Variants in PPARGC1A observed in about 807,000 individuals in gnomAD.
PPARGC1A encodes the protein PPARG coactivator 1 alpha, also known as peroxisome proliferator-activated receptor gamma coactivator 1-alpha.
In PPARGC1A, 25 loss-of-function variants were observed where a neutral mutation model predicts 88.7. The ratio of observed to expected loss-of-function variants is 0.28; its 90% confidence interval spans 0.21 to 0.39. The LOEUF (loss-of-function observed/expected upper bound fraction) is 0.39. Among genes scored for constraint, PPARGC1A ranks in the 10% least tolerant of loss-of-function variants. PPARGC1A has a pLI of 1.00. For synonymous variants in PPARGC1A, 363 were observed against 355.6 expected (o/e 1.02, Z -0.24); for missense variants, 880 against 968.7 (o/e 0.91, Z 1.22).
the PPARGC1A span, among the ~76,000 whole-genome samples, chr4:24,232,154 A>G: frequency 3.9e-5 from 6 of 151,970 alleles, no homozygotes; most frequent in Non-Finnish European, 7.4e-5. Context: ...GGCAGCTATC[A>G]TGATCCGACT....
chr4:24,246,471 C>T, the PPARGC1A span, among the ~76,000 whole-genome samples: 7 of 152,022 alleles, frequency 4.6e-5, no homozygotes, highest in Non-Finnish European at 1.0e-4. Flanking sequence ...AAAAATTAGC[C>T]GGGCGTGGTG....
the PPARGC1A span, among the ~76,000 whole-genome samples, chr4:24,103,764 G>A: frequency 6.6e-6 from 1 of 152,142 alleles, no homozygotes; most frequent in African/African-American, 2.4e-5. Context: ...AAAGGACCCC[G>A]AGGAAAACAA....
the PPARGC1A span, among the ~76,000 whole-genome samples, chr4:24,262,287 G>A: frequency 1.3e-5 from 2 of 152,248 alleles, no homozygotes; most frequent in African/African-American, 2.4e-5. Context: ...ATTCCACACC[G>A]GGTCCTGTGC....
At chr4:24,240,530 T>C in the PPARGC1A span, among the ~76,000 whole-genome samples, 4 of 152,104 alleles carry the variant, frequency 2.6e-5, no homozygotes, top group African/African-American at 9.7e-5. Context: ...ATAAAATAAA[T>C]TAAACTACCA....
chr4:24,140,110 T>A, the PPARGC1A span, among the ~76,000 whole-genome samples: 1 of 152,168 alleles, frequency 6.6e-6, no homozygotes, highest in Non-Finnish European at 1.5e-5. Context: ...AAAACCCGCC[T>A]TTGATGTCTG....
chr4:24,472,227 C>T, the PPARGC1A span, among the ~76,000 whole-genome samples: 1 of 152,120 alleles, frequency 6.6e-6, no homozygotes, highest in Non-Finnish European at 1.5e-5. This position sits in a 1 kb window ranked among gnomAD's most constrained non-coding sequence, Gnocchi z 4.5. Context: ...CTCCTCTCGC[C>T]GGTTGGCGCT....
At chr4:24,386,539 C>T in the PPARGC1A span, among the ~76,000 whole-genome samples, 4 of 152,308 alleles carry the variant, frequency 2.6e-5, no homozygotes, top group Middle Eastern at 3.4e-3. Context: ...GCAACTTCAG[C>T]AAATTCTCAG....
the PPARGC1A span, among the ~76,000 whole-genome samples, chr4:23,971,783 T>C: frequency 6.6e-6 from 1 of 152,182 alleles, no homozygotes; most frequent in Non-Finnish European, 1.5e-5. Context: ...CAATACTTTG[T>C]ATCCTTCAAT....
At position 23,801,773 on chromosome 4, in the gene PPARGC1A, A is replaced by G. The variant is rs762879038; in HGVS notation, c.2250T>C (p.Phe750=). 3.7e-6 allele frequency: 6 copies of G among 1,614,062 alleles called. No individual in the cohort carries two copies. In the East Asian group the frequency reaches 1.1e-4, roughly 30 times the overall value. The stretch of plus-strand genomic sequence containing the variant: ...ACTTGAAAAATTGCTTGCGTCCACA[A>G]AAGTACAGCTCAAAGTCAGTTTCGT... ...RSNETDFELY[F]CGRKQFFKSN... Residue 750 remains phenylalanine (F), a synonymous_variant, in exon 12 of 13, where the codon TTT becomes TTC. Transcript: ENST00000264867.
At chr4:24,393,156 A>G in the PPARGC1A span, among the ~76,000 whole-genome samples, 2 of 152,182 alleles carry the variant, frequency 1.3e-5, no homozygotes, top group African/African-American at 4.8e-5. Context: ...ATGCTGAAGA[A>G]CAATGCAGGT....
chr4:24,299,825 G>A, the PPARGC1A span, among the ~76,000 whole-genome samples: 1 of 152,170 alleles, frequency 6.6e-6, no homozygotes, highest in African/African-American at 2.4e-5. Flanking sequence ...AATGTTACCA[G>A]AACCAAGGTC....
chr4:24,335,488 T>A, the PPARGC1A span, among the ~76,000 whole-genome samples: 2 of 152,164 alleles, frequency 1.3e-5, no homozygotes, highest in Admixed American at 1.3e-4. Flanking sequence ...TCCACAAATA[T>A]CAGAAGTCTT....
the PPARGC1A span, among the ~76,000 whole-genome samples, chr4:23,971,924 T>TTA: frequency 1.3e-5 from 2 of 152,132 alleles, no homozygotes; most frequent in African/African-American, 2.4e-5. Context: ...TTTCTCTAAA[T>TTA]TATATATATA....
the PPARGC1A span, among the ~76,000 whole-genome samples, chr4:24,361,849 A>G: frequency 3.9e-5 from 6 of 152,188 alleles, no homozygotes; most frequent in Non-Finnish European, 5.9e-5. Context: ...GGAAGTGAAG[A>G]CGGCCTCAGA....
In PPARGC1A at chr4:23,824,470, A is replaced by C. The variant is rs1179948708; in HGVS notation, c.796T>G (p.Ser266Ala). ...TTLSLPLTPE[S>A]PNDPKGSPFE... Reference sequence around the variant, plus strand: ...ACATTTCTTAATACTTACTTTGGTGACTCTGGGGTCAGAGGAAGAGATAAA... The same window carrying C: ...ACATTTCTTAATACTTACTTTGGTGCCTCTGGGGTCAGAGGAAGAGATAAA... The change falls in exon 6 of 13, where the codon TCA becomes GCA. Residue 266 changes from serine to alanine, a missense_variant. Coordinates refer to ENST00000264867, the MANE Select transcript of PPARGC1A (RefSeq NM_013261.5). The C allele has an allele frequency of 6.2e-7, 1 of 1,610,650 alleles. No homozygotes were observed. The highest frequency in any genetic ancestry group is 8.5e-7 in the Non-Finnish European group (1 of 1,177,212).
the PPARGC1A span, among the ~76,000 whole-genome samples, chr4:24,235,116 G>T: frequency 1.3e-5 from 2 of 152,208 alleles, no homozygotes; most frequent in South Asian, 2.1e-4. Context: ...CAACCACCAA[G>T]GTACCTAGAA....
chr4:23,915,147 T>C, the PPARGC1A span, among the ~76,000 whole-genome samples: 1 of 152,200 alleles, frequency 6.6e-6, no homozygotes, highest in Admixed American at 6.5e-5. Context: ...TTTGGTTTTT[T>C]AATGTTTAAA....
chr4:24,066,882 A>G, the PPARGC1A span, among the ~76,000 whole-genome samples: 1 of 72,412 alleles, frequency 1.4e-5, no homozygotes, highest in Admixed American at 1.5e-4. Flanking sequence ...GCCTTTAGAT[A>G]TTGTGCCACT....
the PPARGC1A span, among the ~76,000 whole-genome samples, chr4:24,195,943 C>G: frequency 6.6e-6 from 1 of 152,200 alleles, no homozygotes; most frequent in Non-Finnish European, 1.5e-5. Flanking sequence ...AAGTCCCAAT[C>G]AACAACTGAT....
Sources: allele counts gnomAD v4.1 joint callset (sites outside exome capture counted in the v4.1 genomes callset), GRCh38; gene constraint gnomAD v4.1.1; non-coding constraint Gnocchi (gnomAD v3.1); transcripts MANE v1.5; gene names NCBI Gene and HGNC (gene_info 2026-07-23, HGNC 2026-07-21).